DOK5: variants seen among roughly 807,000 people sequenced by gnomAD.
DOK5 encodes the protein docking protein 5.
Under a neutral mutation model 43.3 loss-of-function variants are expected in DOK5, and 27 were observed. The observed-to-expected ratio is 0.62, with a 90% CI of 0.46 to 0.86. The LOEUF is 0.86. DOK5 is among the 40% of genes least tolerant of loss of function. DOK5 has a pLI of 0.00. For synonymous variants in DOK5, 146 were observed against 140.1 expected (o/e 1.04, Z -0.30); for missense variants, 373 against 392.9 (o/e 0.95, Z 0.43).
intron 7 of DOK5, among the ~76,000 whole-genome samples, chr20:54,644,995 CTCTTTTTTTTT>C (rs1979330642): frequency 1.7e-5 from 2 of 117,228 alleles, no homozygotes; most frequent in African/African-American, 6.5e-5. Context: ...TGTAAAAAAA[CTCTTTTTTTTT>C]TTTTTTTTTT....
At chr20:54,510,013 T>C (rs909209252) in intron 1 of DOK5, among the ~76,000 whole-genome samples, 3 of 152,130 alleles carry the variant, frequency 2.0e-5, no homozygotes, top group Non-Finnish European at 4.4e-5. Flanking sequence ...CTGGGCTTAC[T>C]ACCTAGGTGA....
chr20:54,482,874 G>A (rs1334082784), intron 1 of DOK5, among the ~76,000 whole-genome samples: 2 of 152,214 alleles, frequency 1.3e-5, no homozygotes, highest in South Asian at 2.1e-4. Context: ...CAACTATTCA[G>A]TAAGATATGT....
At chr20:54,495,682 G>C (rs2146672955) in intron 1 of DOK5, among the ~76,000 whole-genome samples, 1 of 152,290 alleles carries the variant, frequency 6.6e-6, no homozygotes, top group Non-Finnish European at 1.5e-5. Flanking sequence ...CCTGAGGTCA[G>C]GAGTTCAAGA....
intron 6 of DOK5, among the ~76,000 whole-genome samples, chr20:54,618,594 C>G (rs1205940913): frequency 6.6e-6 from 1 of 152,200 alleles, no homozygotes; most frequent in African/African-American, 2.4e-5. Context: ...CTGCCCGCCT[C>G]AGCCTCCCAA....
chr20:54,615,316 A>T (rs1349342002), intron 6 of DOK5, among the ~76,000 whole-genome samples: 1 of 152,174 alleles, frequency 6.6e-6, no homozygotes, highest in Non-Finnish European at 1.5e-5. Flanking sequence ...CCGCATTCTA[A>T]TCTATGCAGT....
At chr20:54,614,512 T>A (rs1013663095) in intron 6 of DOK5, among the ~76,000 whole-genome samples, 2 of 152,226 alleles carry the variant, frequency 1.3e-5, no homozygotes, top group Non-Finnish European at 2.9e-5. Flanking sequence ...GAGCCATCAA[T>A]TAGCATAAAT....
At chr20:54,554,911 C>T in intron 1 of DOK5, 22 bp from the exon 2 acceptor site, 1 of 1,472,052 alleles carries the variant, frequency 6.8e-7, no homozygotes, top group African/African-American at 1.4e-5. Context: ...ATGCTGAGCT[C>T]AGTCTTTGTA....
chr20:54,527,299 G>T (rs1983609950), intron 1 of DOK5, among the ~76,000 whole-genome samples: 1 of 151,878 alleles, frequency 6.6e-6, no homozygotes, highest in African/African-American at 2.4e-5. Context: ...ACAATTAATA[G>T]CTATTTTATG....
At chr20:54,564,696 G>A (rs981681234) in intron 2 of DOK5, among the ~76,000 whole-genome samples, 1 of 152,198 alleles carries the variant, frequency 6.6e-6, no homozygotes, top group African/African-American at 2.4e-5. Context: ...TCAATCCCAT[G>A]TTGTAACATC....
chr20:54,643,406 C>T, intron 6 of DOK5, 52 bp from the exon 7 acceptor site: 2 of 1,601,500 alleles, frequency 1.2e-6, no homozygotes, highest in Non-Finnish European at 1.7e-6. Context: ...TCAGTCAGGC[C>T]ACTTTCGGCC....
At chr20:54,630,212 T>G (rs989653175) in intron 6 of DOK5, among the ~76,000 whole-genome samples, 1 of 151,926 alleles carries the variant, frequency 6.6e-6, no homozygotes, top group South Asian at 2.1e-4. Flanking sequence ...ACCAAGGTGG[T>G]GGTGATGGAG....
At chr20:54,587,501 T>C (rs939100269) in intron 2 of DOK5, among the ~76,000 whole-genome samples, 1 of 152,082 alleles carries the variant, frequency 6.6e-6, no homozygotes, top group Non-Finnish European at 1.5e-5. Flanking sequence ...AAGAGATATA[T>C]GAAAGGGAGG....
intron 1 of DOK5, among the ~76,000 whole-genome samples, chr20:54,535,016 T>G (rs1230004281): frequency 6.6e-6 from 1 of 152,100 alleles, no homozygotes; most frequent in African/African-American, 2.4e-5. Context: ...GTATTTTTAG[T>G]AGAGACAGGG....
intron 2 of DOK5, among the ~76,000 whole-genome samples, chr20:54,567,756 A>T (rs1232247802): frequency 6.6e-6 from 1 of 152,202 alleles, no homozygotes; most frequent in African/African-American, 2.4e-5. Flanking sequence ...TTAAGCCTAT[A>T]GAGCAAATTG....
At chr20:54,515,155 C>T (rs541908188) in intron 1 of DOK5, among the ~76,000 whole-genome samples, 4 of 152,022 alleles carry the variant, frequency 2.6e-5, no homozygotes, top group Admixed American at 1.3e-4. Flanking sequence ...GGATTACAGG[C>T]GCCCGCCACC....
intron 6 of DOK5, among the ~76,000 whole-genome samples, chr20:54,632,462 T>C (rs999885340): frequency 1.3e-5 from 2 of 152,228 alleles, no homozygotes; most frequent in African/African-American, 2.4e-5. Context: ...TAATTCTAAA[T>C]ATTGGCAATA....
chr20:54,554,692 T>C lies in DOK5; in HGVS notation c.67-241T>C, dbSNP rs149789619. Among the ~76,000 whole-genome samples, 10 of 152,386 alleles carry C rather than the reference T, an allele frequency of 6.6e-5. No homozygotes were observed. In the East Asian group the frequency reaches 1.9e-3, roughly 29 times the overall value. ...TGAAATATACCTAGTGATATTGCTA[T>C]CAAAGCATGAAGAAATTTATCTTCA... On this transcript the variant is annotated intron_variant, in intron 1 of 7. Coordinates refer to ENST00000262593, the MANE Select transcript of DOK5 (RefSeq NM_018431.5).
rs765217379 is a variant in DOK5 at position 54,475,920 on chromosome 20, T to A, written c.-27T>A. 3 of 1,609,104 alleles carry A rather than the reference T, an allele frequency of 1.9e-6. No individual in the cohort carries two copies. Among genetic ancestry groups the A allele is most frequent in the Non-Finnish European group, 2.5e-6 (3 of 1,178,884 alleles). ...GCCACTTCGGGTGCGCGCTCTTGGG[T>A]AAAGGGGGGGTCACCGGCTGTCTGG... On this transcript the variant is annotated 5_prime_UTR_variant, in exon 1 of 8. Transcript: ENST00000262593. The surrounding 1 kb of genome is among the most constrained non-coding windows in gnomAD (Gnocchi z 4.2).
chr20:54,584,231 G>C (rs1051508399), intron 2 of DOK5, among the ~76,000 whole-genome samples: 1 of 151,802 alleles, frequency 6.6e-6, no homozygotes, highest in Non-Finnish European at 1.5e-5. Context: ...TGTATTTCTT[G>C]TAGCTCTTTT....
Sources: gnomAD v4.1 joint callset for allele counts (sites outside exome capture counted in the v4.1 genomes callset) on GRCh38, gnomAD v4.1.1 for gene constraint, Gnocchi (gnomAD v3.1) non-coding constraint, MANE v1.5 for transcripts, NCBI Gene and HGNC (gene_info 2026-07-23, HGNC 2026-07-21) for gene names.